The following PRUNE2 variants were observed in gnomAD, a reference collection of about 807,000 sequenced individuals.
PRUNE2 encodes protein prune homolog 2.
Under a neutral mutation model 252.0 loss-of-function variants are expected in PRUNE2, and 164 were observed. That is an observed-to-expected ratio of 0.65 (90% CI 0.57 to 0.74). The LOEUF (loss-of-function observed/expected upper bound fraction) is 0.74, where lower values mean the gene tolerates loss of function less well. Ranked by LOEUF, PRUNE2 falls within the 30% of genes least tolerant of loss-of-function variation. The pLI is 0.00. For synonymous variants in PRUNE2, 1,292 were observed against 1,350.2 expected, an observed-to-expected ratio of 0.96 and a Z score of 0.94; for missense variants, 3,495 against 3,711.0, an observed-to-expected ratio of 0.94 and a Z score of 1.51.
At position 76,624,463 on chromosome 9, in the gene PRUNE2, TG is replaced by T; in HGVS notation, c.9176del (p.Ser3059Ter). 1 of 1,431,462 alleles carries T rather than the reference TG, an allele frequency of 7.0e-7. No individual in the cohort carries two copies. The highest frequency in any genetic ancestry group is 1.7e-5 in the South Asian group (1 of 59,174). 88.7% of individuals were successfully genotyped at this position (1,431,462 alleles called of 1,614,324 possible). A position where few individuals can be genotyped will look rare whatever the true frequency, so the allele number is the denominator to read the frequency against. On this transcript the variant is annotated frameshift_variant, in exon 17 of 19. Coordinates refer to ENST00000376718, the MANE Select transcript of PRUNE2 (RefSeq NM_015225.3). LOFTEE classifies it high-confidence loss of function. ...AAACCAAGTCTTACTTAGCTGCCTC[TG>T]ATGCTTCCCTCAGTTCTTCATCCAG... ...IKLDEELREA[S>X]EAAKTSCLYN... is the part of the protein sequence containing the mutation.
intron 1 of PRUNE2, among the ~76,000 whole-genome samples, chr9:76,873,004 C>T (rs1029358450): frequency 2.6e-5 from 4 of 152,046 alleles, no homozygotes; most frequent in African/African-American, 9.7e-5. Flanking sequence ...AACACAGAGA[C>T]GTGAACAGAG....
intron 9 of PRUNE2, among the ~76,000 whole-genome samples, chr9:76,660,923 A>C (rs916183982): frequency 1.3e-5 from 2 of 152,160 alleles, no homozygotes; most frequent in South Asian, 2.1e-4. Flanking sequence ...ATATAAAAAA[A>C]CCCTATAAAC....
At chr9:76,629,601 CT>C (rs11330504) in intron 15 of PRUNE2, among the ~76,000 whole-genome samples, 20,517 of 145,168 alleles carry the variant, frequency 0.14, 3,311 homozygotes, top group African/African-American at 0.4. Context: ...ACTTCACATG[CT>C]TTTTTTTTTT....
chr9:76,794,613 CAAA>C (rs11358425), intron 6 of PRUNE2, among the ~76,000 whole-genome samples: 5 of 67,870 alleles, frequency 7.4e-5, no homozygotes, highest in Non-Finnish European at 1.3e-4. Context: ...GACTCTGTCT[CAAA>C]AAAAAAAAAA....
In PRUNE2 at chr9:76,705,699, G is replaced by A. The variant is rs1421273341; in HGVS notation, c.6575C>T (p.Pro2192Leu). The change falls in exon 8 of 19, where the codon CCT becomes CTT. Residue 2192 changes from proline to leucine, a missense_variant. By Grantham distance (98) the Pro-to-Leu change is moderately conservative (BLOSUM62 -3). Transcript: ENST00000376718. ...ACTGTTGTCACCGTTTATTTCAGAA[G>A]GTTCAGGTGAACCTTTATGAGAGGC... ...QPASHKGSPEPSEINGDNSTG... is the reference protein window; with the variant it reads ...QPASHKGSPELSEINGDNSTG... The A allele has an allele frequency of 6.2e-7, 1 of 1,613,990 alleles. No homozygotes were observed.
chr9:76,654,515 T>C (rs1848531860), intron 10 of PRUNE2, among the ~76,000 whole-genome samples: 2 of 152,184 alleles, frequency 1.3e-5, no homozygotes, highest in African/African-American at 4.8e-5. Flanking sequence ...GGTTCTATAT[T>C]TGGCTATTGA....
In PRUNE2 at chr9:76,705,537, C is replaced by T; in HGVS notation, c.6737G>A (p.Gly2246Asp). Residue 2246 changes from glycine to aspartate, a missense_variant, in exon 8 of 19, where the codon GGT (glycine) becomes GAT (aspartate). Coordinates refer to ENST00000376718, the MANE Select transcript of PRUNE2 (RefSeq NM_015225.3). ...GCTGTCTGATATCCAAGAACCGTCACCTTCTGGAGTTGGCTCTTGGTGAGT... is the reference window on the plus strand; with the variant it reads ...GCTGTCTGATATCCAAGAACCGTCATCTTCTGGAGTTGGCTCTTGGTGAGT... ...FVTHQEPTPE[G>D]DGSWISDSFS... is the part of the protein sequence containing the mutation. 1.2e-6 allele frequency: 2 copies of T among 1,614,034 alleles called. No individual in the cohort carries two copies. The highest frequency in any genetic ancestry group is 1.7e-6 in the Non-Finnish European group (2 of 1,179,890).
At chr9:76,729,857 C>T (rs2048413167) in intron 6 of PRUNE2, among the ~76,000 whole-genome samples, 1 of 152,040 alleles carries the variant, frequency 6.6e-6, no homozygotes, top group Non-Finnish European at 1.5e-5. Context: ...TTTCTAATTT[C>T]AATTTCCTTA....
intron 9 of PRUNE2, among the ~76,000 whole-genome samples, chr9:76,673,330 T>C (rs1067436): frequency 0.82 from 109,638 of 132,904 alleles, 45,950 homozygotes; most frequent in Non-Finnish European, 0.94. Context: ...CCTGGACACA[T>C]ACACTCTCCC....
intron 9 of PRUNE2, chr9:76,700,217 G>C (rs1359062364): frequency 6.6e-6 from 1 of 152,212 alleles, no homozygotes; most frequent in East Asian, 1.9e-4. Flanking sequence ...GCAGCTAAGA[G>C]AGGCTGAGGC....
chr9:76,870,212 T>C (rs1271180112), intron 1 of PRUNE2, among the ~76,000 whole-genome samples: 1 of 151,192 alleles, frequency 6.6e-6, no homozygotes, highest in African/African-American at 2.4e-5. Flanking sequence ...CCATAATAAA[T>C]AGCTGTAAAA....
chr9:76,669,080 A>C (rs367619936), intron 9 of PRUNE2, among the ~76,000 whole-genome samples: 5 of 151,940 alleles, frequency 3.3e-5, no homozygotes, highest in Middle Eastern at 3.4e-3. Flanking sequence ...CATTTTAAAG[A>C]AACCATCTCC....
At position 76,696,995 on chromosome 9, in the gene PRUNE2, CTCTT is replaced by C. The variant is rs1482552932; in HGVS notation, c.8276+6338_8276+6341del. On this transcript the variant is annotated intron_variant, in intron 9 of 18. Coordinates refer to ENST00000376718, the MANE Select transcript of PRUNE2 (RefSeq NM_015225.3). ...CTTTGCCTCCATCTTCGTAAATACT[CTCTT>C]TATTAAATCTCTCAAATTTTCCTAA... 4.6e-5 allele frequency among the ~76,000 whole-genome samples: 7 copies of C among 152,342 alleles called. No homozygotes were observed. The South Asian group carries it at 1.2e-3, about 27-fold the overall frequency.
intron 9 of PRUNE2, among the ~76,000 whole-genome samples, chr9:76,695,833 G>A (rs752036090): frequency 6.6e-6 from 1 of 152,006 alleles, no homozygotes; most frequent in African/African-American, 2.4e-5. Flanking sequence ...TTTCTTGGGG[G>A]TTATACTCTC....
chr9:76,643,248 A>T (rs1207593443), intron 12 of PRUNE2, among the ~76,000 whole-genome samples: 1 of 152,168 alleles, frequency 6.6e-6, no homozygotes, highest in East Asian at 1.9e-4. Flanking sequence ...CTTCCTTTCA[A>T]CACAGGGACT....
chr9:76,625,087 G>C, intron 16 of PRUNE2: 2 of 1,293,508 alleles, frequency 1.5e-6, no homozygotes, highest in South Asian at 2.5e-5. Flanking sequence ...AGTGCCATAA[G>C]GAAAATGAGC....
At position 76,709,567 on chromosome 9, in the gene PRUNE2, A is replaced by C; in HGVS notation, c.2707T>G (p.Leu903Val). ...TTGCCCCTAGTTTTAGGATCCACTA[A>C]ACCATTCTGATCTTCTTTTGGTGGC... ...SKPPKEDQNGLVDPKTRGKVY... is the reference protein window; with the variant it reads ...SKPPKEDQNGVVDPKTRGKVY... The change falls in exon 8 of 19, where the codon TTA becomes GTA. Residue 903 changes from leucine to valine, a missense_variant. Coordinates refer to ENST00000376718, the MANE Select transcript of PRUNE2 (RefSeq NM_015225.3). 6.2e-7 allele frequency: 1 copy of C among 1,613,954 alleles called. No homozygotes were observed. The highest frequency in any genetic ancestry group is 8.5e-7 in the Non-Finnish European group (1 of 1,179,884).
chr9:76,624,871 A>G (rs1044822280), intron 16 of PRUNE2, among the ~76,000 whole-genome samples: 1 of 152,206 alleles, frequency 6.6e-6, no homozygotes, highest in African/African-American at 2.4e-5. Context: ...GTTGACCTCA[A>G]CAGCTTTACA....
At chr9:76,752,317 G>A (rs893900807) in intron 6 of PRUNE2, among the ~76,000 whole-genome samples, 9 of 151,556 alleles carry the variant, frequency 5.9e-5, no homozygotes, top group African/African-American at 2.2e-4. Context: ...CAGGATGGTC[G>A]CGATCTCCTG....
Sources: gnomAD v4.1 joint callset for allele counts (sites outside exome capture counted in the v4.1 genomes callset) on GRCh38, gnomAD v4.1.1 for gene constraint, MANE v1.5 for transcripts, NCBI Gene and HGNC (gene_info 2026-07-23, HGNC 2026-07-21) for gene names.